The following STPG2 variants were observed in gnomAD, a reference collection of about 807,000 sequenced individuals.
The protein encoded by STPG2 is sperm tail PG-rich repeat containing 2, also known as sperm-tail PG-rich repeat-containing protein 2.
In STPG2, 56 loss-of-function variants were observed where a neutral mutation model predicts 54.2. That is an observed-to-expected ratio of 1.03 (90% CI 0.83 to 1.29). The LOEUF (loss-of-function observed/expected upper bound fraction) is 1.29. STPG2 is among the 50% of genes most tolerant of loss of function. The probability of loss-of-function intolerance (pLI) is 0.00; values close to 1 mark genes in which losing one functional copy is unlikely to be tolerated. For missense variants in STPG2, 596 were observed against 544.9 expected (o/e 1.09, Z -0.93); for synonymous variants, 200 against 181.8 (o/e 1.10, Z -0.81).
At chr4:97,747,335 G>C (rs944488158) in intron 9 of STPG2, among the ~76,000 whole-genome samples, 21 of 151,236 alleles carry the variant, frequency 1.4e-4, no homozygotes, top group African/African-American at 4.8e-4. Flanking sequence ...CTTCTCTCAG[G>C]TCTCACAATT....
At chr4:98,132,868 C>T (rs1010859500) in intron 2 of STPG2, among the ~76,000 whole-genome samples, 1 of 134,846 alleles carries the variant, frequency 7.4e-6, no homozygotes, top group African/African-American at 2.7e-5. Flanking sequence ...GTTTTTAAAA[C>T]AGAAATCAGA....
intron 8 of STPG2, among the ~76,000 whole-genome samples, chr4:97,932,057 C>A (rs527673632): frequency 2.6e-5 from 4 of 152,048 alleles, no homozygotes; most frequent in Non-Finnish European, 5.9e-5. Flanking sequence ...TTTCTGATGG[C>A]TGATTTTATT....
intron 8 of STPG2, among the ~76,000 whole-genome samples, chr4:97,842,933 T>C (rs1262132101): frequency 2.6e-5 from 4 of 151,890 alleles, no homozygotes; most frequent in Non-Finnish European, 4.4e-5. Flanking sequence ...AGATTAACAT[T>C]TCAAGTAAAT....
intron 4 of STPG2, among the ~76,000 whole-genome samples, chr4:97,506,348 G>C (rs1473215421): frequency 1.3e-5 from 2 of 151,906 alleles, no homozygotes; most frequent in African/African-American, 4.8e-5. Context: ...GCTTACAGCT[G>C]GGACATGGAG....
chr4:98,077,612 A>T (rs909990851), intron 5 of STPG2, among the ~76,000 whole-genome samples: 1 of 152,188 alleles, frequency 6.6e-6, no homozygotes, highest in Non-Finnish European at 1.5e-5. Context: ...CTAAAAGATA[A>T]ATTTAGACAG....
intron 4 of STPG2, among the ~76,000 whole-genome samples, chr4:97,545,828 T>G (rs983754547): frequency 1.3e-5 from 2 of 152,102 alleles, no homozygotes; most frequent in Non-Finnish European, 2.9e-5. Context: ...AAAATAAATT[T>G]AAATTACTCA....
intron 6 of STPG2, among the ~76,000 whole-genome samples, chr4:97,974,919 T>C (rs1734451596): frequency 1.3e-5 from 2 of 152,110 alleles, no homozygotes; most frequent in Admixed American, 1.3e-4. Context: ...CATCAGCTGA[T>C]GAATAAGTAA....
intron 2 of STPG2, 117 bp from the exon 3 acceptor site, chr4:98,128,709 A>T: frequency 2.4e-6 from 2 of 821,440 alleles, no homozygotes; most frequent in Non-Finnish European, 3.6e-6. Flanking sequence ...GAGTTTCATG[A>T]TATAAAACAA....
chr4:97,908,311 T>C (rs1373977190), intron 8 of STPG2, among the ~76,000 whole-genome samples: 3 of 151,794 alleles, frequency 2.0e-5, no homozygotes, highest in African/African-American at 7.3e-5. Flanking sequence ...AAAACCACAA[T>C]GAGATACCAT....
intron 9 of STPG2, among the ~76,000 whole-genome samples, chr4:97,782,363 A>G (rs1051778285): frequency 6.6e-6 from 1 of 152,150 alleles, no homozygotes; most frequent in Admixed American, 6.6e-5. Flanking sequence ...TAGGAATCCA[A>G]CTTACAAGGG....
chr4:97,473,183 A>G (rs1729982709), intron 4 of STPG2, among the ~76,000 whole-genome samples: 1 of 152,212 alleles, frequency 6.6e-6, no homozygotes, highest in South Asian at 2.1e-4. Context: ...GCACCTTGAA[A>G]AAAGAACAGG....
At chr4:98,107,170 T>C (rs1277391270) in intron 4 of STPG2, among the ~76,000 whole-genome samples, 3 of 152,142 alleles carry the variant, frequency 2.0e-5, no homozygotes, top group African/African-American at 7.2e-5. Flanking sequence ...TCACATATCA[T>C]TTAGGTCTGT....
In STPG2 at chr4:97,945,934, C is replaced by T. The variant is rs185022790; in HGVS notation, c.934-1927G>A. ...ATTAGCTGAGTGTGGTGGCATATACCTGTGGTCCCTGCTATTGGAGAGGCT... is the reference window on the plus strand; with the variant it reads ...ATTAGCTGAGTGTGGTGGCATATACTTGTGGTCCCTGCTATTGGAGAGGCT... On this transcript the variant is annotated intron_variant, in intron 7 of 10. Coordinates refer to ENST00000295268, the MANE Select transcript of STPG2 (RefSeq NM_174952.3). Among the ~76,000 whole-genome samples, 10 of 152,124 alleles carry T rather than the reference C, an allele frequency of 6.6e-5. No individual in the cohort carries two copies. In the East Asian group the frequency reaches 1.9e-3, roughly 29 times the overall value.
intron 10 of STPG2, among the ~76,000 whole-genome samples, chr4:97,575,464 G>A (rs1034266336): frequency 2.0e-5 from 3 of 151,890 alleles, no homozygotes; most frequent in Non-Finnish European, 2.9e-5. Context: ...AGGTTGGTCC[G>A]ACATATACAA....
intron 5 of STPG2, among the ~76,000 whole-genome samples, chr4:97,986,804 C>A (rs927203973): frequency 6.6e-6 from 1 of 152,088 alleles, no homozygotes; most frequent in Non-Finnish European, 1.5e-5. Context: ...CTTCTTATAA[C>A]CTTTAAACAT....
intron 8 of STPG2, among the ~76,000 whole-genome samples, chr4:97,880,108 C>A (rs1022320804): frequency 6.6e-6 from 1 of 152,068 alleles, no homozygotes; most frequent in Admixed American, 6.6e-5. Context: ...GAATACAATA[C>A]CGTACAGCCT....
chr4:97,836,098 G>A (rs1270466180), intron 9 of STPG2, among the ~76,000 whole-genome samples: 1 of 152,052 alleles, frequency 6.6e-6, no homozygotes, highest in Non-Finnish European at 1.5e-5. Context: ...TGATAAAACA[G>A]TTGTAGGGTT....
intron 4 of STPG2, among the ~76,000 whole-genome samples, chr4:97,452,877 C>G (rs1451811876): frequency 6.6e-6 from 1 of 152,190 alleles, no homozygotes; most frequent in Non-Finnish European, 1.5e-5. Context: ...AAGGAGCTAT[C>G]CCCTGTGGGT....
chr4:97,723,314 C>A (rs1268035130), intron 9 of STPG2, among the ~76,000 whole-genome samples: 1 of 151,810 alleles, frequency 6.6e-6, no homozygotes, highest in Admixed American at 6.6e-5. Context: ...CTCTTAGACA[C>A]TGAGGACTCC....
Sources: allele counts gnomAD v4.1 joint callset (sites outside exome capture counted in the v4.1 genomes callset), GRCh38; gene constraint gnomAD v4.1.1; transcripts MANE v1.5; gene names NCBI Gene and HGNC (gene_info 2026-07-23, HGNC 2026-07-21).